NDC80: variants seen among roughly 807,000 people sequenced by gnomAD.
The protein encoded by NDC80 is NDC80 kinetochore complex component.
A neutral mutation model predicts 89.3 loss-of-function variants in NDC80; 69 were observed. That is an observed-to-expected ratio of 0.77 (90% CI 0.64 to 0.94). The LOEUF (loss-of-function observed/expected upper bound fraction) is 0.94, where lower values mean the gene tolerates loss of function less well. Ranked by LOEUF, NDC80 falls within the 40% of genes least tolerant of loss-of-function variation. The pLI is 0.00. For synonymous variants in NDC80, 243 were observed against 255.6 expected (o/e 0.95, Z 0.47); for missense variants, 593 against 739.6 (o/e 0.80, Z 2.30).
intron 8 of NDC80, 97 bp downstream of exon 8, chr18:2,588,020 CT>C: frequency 1.1e-6 from 1 of 897,660 alleles, no homozygotes; most frequent in Non-Finnish European, 1.7e-6. Context: ...ATATGAGCTA[CT>C]TACTTTAAAT....
intron 1 of NDC80, 67 bp from the exon 2 acceptor site, chr18:2,572,910 A>T: frequency 8.8e-7 from 1 of 1,136,570 alleles, no homozygotes; most frequent in South Asian, 1.4e-5. Flanking sequence ...GTTTAAGGAT[A>T]AATAGTTGCT....
At chr18:2,604,742 G>T (rs2072701526) in intron 13 of NDC80, among the ~76,000 whole-genome samples, 1 of 152,144 alleles carries the variant, frequency 6.6e-6, no homozygotes, top group African/African-American at 2.4e-5. Flanking sequence ...AGTGAGATAA[G>T]GGAGAAGCCT....
rs752373089 is a variant in NDC80, at chr18:2,614,633, GA to G, written c.1792-1801del. On this transcript the variant is annotated intron_variant, in intron 16 of 16. Coordinates refer to ENST00000261597, the MANE Select transcript of NDC80 (RefSeq NM_006101.3). ...AGAAAGAAAGAAAGAAAGAAAGAAA[GA>G]AAGAAAGAAAGAAAGAAAGAAATAA... is the stretch of plus-strand genomic sequence containing the variant. Among the ~76,000 whole-genome samples the G allele has an allele frequency of 1.1e-3, 85 of 75,184 alleles. 11 individuals carry two copies. Among genetic ancestry groups the G allele is most frequent in the South Asian group, 4.8e-3 (12 of 2,480 alleles). The allele number at this position is 75,184 out of a possible 152,430, so 49.3% of individuals were successfully genotyped here. A position where few individuals can be genotyped will look rare whatever the true frequency, so the allele number is the denominator to read the frequency against.
chr18:2,579,330 C>T (rs566224347), intron 6 of NDC80: 17 of 249,804 alleles, frequency 6.8e-5, no homozygotes, highest in African/African-American at 2.6e-4. Context: ...TAATTAAAAT[C>T]CATATTCACT....
intron 14 of NDC80, among the ~76,000 whole-genome samples, chr18:2,608,167 T>A (rs1197238004): frequency 6.7e-6 from 1 of 150,058 alleles, no homozygotes. Context: ...TTATATATAT[T>A]TTAAATTTTA....
intron 12 of NDC80, among the ~76,000 whole-genome samples, chr18:2,600,357 T>C (rs2143657980): frequency 6.6e-6 from 1 of 152,306 alleles, no homozygotes; most frequent in South Asian, 2.1e-4. Flanking sequence ...AGGCCTGTAA[T>C]CCCAGCACTT....
At chr18:2,591,978 A>G (rs1224805837) in intron 10 of NDC80, among the ~76,000 whole-genome samples, 1 of 151,732 alleles carries the variant, frequency 6.6e-6, no homozygotes, top group African/African-American at 2.4e-5. Context: ...CTGGTCTCAA[A>G]CTCCTGACCT....
intron 16 of NDC80, among the ~76,000 whole-genome samples, chr18:2,612,429 C>T (rs1289953346): frequency 6.6e-6 from 1 of 151,870 alleles, no homozygotes; most frequent in African/African-American, 2.4e-5. Context: ...GCTGGGATTA[C>T]AGGCATGTGC....
At chr18:2,613,066 CTGGT>C (rs2072753844) in intron 16 of NDC80, among the ~76,000 whole-genome samples, 1 of 152,216 alleles carries the variant, frequency 6.6e-6, no homozygotes, top group Admixed American at 6.5e-5. Context: ...TGAGCAGTTC[CTGGT>C]TGGAGCCCCA....
chr18:2,608,723 ATGTGCCAG>A lies in NDC80; in HGVS notation c.1584_1591del (p.Cys528Ter). 6.2e-7 allele frequency: 1 copy of A among 1,612,662 alleles called. No homozygotes were observed. The highest frequency in any genetic ancestry group is 1.1e-5 in the South Asian group (1 of 90,988). ...AGGAAGCAGAGGAAGAGGATGAAAA[ATGTGCCAG>A]TGAGCTTGAGTCCTTGGAGAAACAC... is the stretch of plus-strand genomic sequence containing the variant. On this transcript the variant is annotated frameshift_variant, in exon 15 of 17. Coordinates refer to ENST00000261597, the MANE Select transcript of NDC80 (RefSeq NM_006101.3). LOFTEE classifies it high-confidence loss of function.
At chr18:2,579,747 G>C (rs1170699589) in intron 6 of NDC80, among the ~76,000 whole-genome samples, 2 of 152,134 alleles carry the variant, frequency 1.3e-5, no homozygotes, top group African/African-American at 4.8e-5. Context: ...TAGTTTAAAA[G>C]TGTGTGTTGC....
chr18:2,577,884 T>G lies in NDC80; in HGVS notation c.303+15T>G, dbSNP rs1473909760. 1 of 1,612,626 alleles carries G rather than the reference T, an allele frequency of 6.2e-7. No homozygotes were observed. Among genetic ancestry groups the G allele is most frequent in the Non-Finnish European group, 8.5e-7 (1 of 1,179,196 alleles). ...AACTCTGTGAGGTACTTTAGGATTT[T>G]AATCTAAACTGTGATTGTTGTCATA... On this transcript the variant is annotated intron_variant, in intron 4 of 16. Coordinates refer to ENST00000261597, the MANE Select transcript of NDC80 (RefSeq NM_006101.3).
chr18:2,606,329 T>C, intron 13 of NDC80, 86 bp from the exon 14 acceptor site: 1 of 789,552 alleles, frequency 1.3e-6, no homozygotes, highest in Non-Finnish European at 1.9e-6. Context: ...TTCAGTTAGT[T>C]GATTGATAAT....
chr18:2,579,209 A>G (rs2072563560), intron 6 of NDC80, 180 bp downstream of exon 6: 1 of 395,960 alleles, frequency 2.5e-6, no homozygotes, highest in East Asian at 3.7e-5. Flanking sequence ...GGAAGAAAGT[A>G]CCAATTGATA....
chr18:2,587,735 T>C (rs2072609141), intron 7 of NDC80, 95 bp from the exon 8 acceptor site: 2 of 973,080 alleles, frequency 2.1e-6, no homozygotes, highest in Non-Finnish European at 3.2e-6. Flanking sequence ...TTTCTGACTA[T>C]TTTTTAAATT....
chr18:2,577,439 A>C (rs1157997359), intron 3 of NDC80: 4 of 222,342 alleles, frequency 1.8e-5, no homozygotes, highest in African/African-American at 9.4e-5. Context: ...CTGGTCTTGA[A>C]CTCCTGACCT....
chr18:2,606,647 C>T, intron 14 of NDC80, 140 bp downstream of exon 14: 1 of 459,448 alleles, frequency 2.2e-6, no homozygotes, highest in Non-Finnish European at 3.8e-6. Context: ...GTTTTCTCTG[C>T]CAAAGTTTAT....
chr18:2,591,116 C>T (rs1184489338), intron 10 of NDC80, among the ~76,000 whole-genome samples: 1 of 152,128 alleles, frequency 6.6e-6, no homozygotes, highest in East Asian at 1.9e-4. Context: ...ACCGCCTAAG[C>T]ACCTCAGCAG....
chr18:2,599,416 T>TC (rs1427039631), intron 12 of NDC80, among the ~76,000 whole-genome samples: 2 of 151,988 alleles, frequency 1.3e-5, no homozygotes, highest in African/African-American at 2.4e-5. Flanking sequence ...TTGCTAATGA[T>TC]CCCCCCAGAG....
Sources: allele counts gnomAD v4.1 joint callset (sites outside exome capture counted in the v4.1 genomes callset), GRCh38; gene constraint gnomAD v4.1.1; transcripts MANE v1.5; gene names NCBI Gene and HGNC (gene_info 2026-07-23, HGNC 2026-07-21).